ICAM1: variants seen among roughly 807,000 people sequenced by gnomAD.
ICAM1 encodes the protein intercellular adhesion molecule 1.
A neutral mutation model predicts 42.3 loss-of-function variants in ICAM1; 28 were observed. That is an observed-to-expected ratio of 0.66 (90% CI 0.49 to 0.91). The LOEUF (loss-of-function observed/expected upper bound fraction) is 0.91. Ranked by LOEUF, ICAM1 falls within the 40% of genes least tolerant of loss-of-function variation. The pLI, the probability that ICAM1 is intolerant of heterozygous loss-of-function variation, is 0.00. For missense variants in ICAM1, 637 were observed against 688.6 expected, an observed-to-expected ratio of 0.93 and a Z score of 0.84; for synonymous variants, 304 against 305.9, an observed-to-expected ratio of 0.99 and a Z score of 0.07.
chr19:10,276,389 CA>C (rs1323881482), intron 2 of ICAM1, among the ~76,000 whole-genome samples: 2 of 150,942 alleles, frequency 1.3e-5, no homozygotes. Context: ...ACTAAAACTA[CA>C]AAAAATTAGC....
intron 2 of ICAM1, among the ~76,000 whole-genome samples, chr19:10,282,495 C>A (rs1394614314): frequency 6.6e-6 from 1 of 152,096 alleles, no homozygotes; most frequent in Non-Finnish European, 1.5e-5. Context: ...GATCCACCCT[C>A]CTTGGCCTCC....
At chr19:10,280,840 A>AT (rs1258173950) in intron 2 of ICAM1, among the ~76,000 whole-genome samples, 1 of 143,494 alleles carries the variant, frequency 7.0e-6, no homozygotes, top group Non-Finnish European at 1.5e-5. Flanking sequence ...AAGTGCTGAG[A>AT]TTACAGGCAT....
Position 10,285,107 on chromosome 19 carries a change from C to A in ICAM1, c.1427-8C>A. ...CAATCCTCACCGCCTGTTGTATCCT[C>A]CCCACAGCCCCCCGGTATGAGATTG... On this transcript the variant is annotated splice_region_variant and splice_polypyrimidine_tract_variant and intron_variant, in intron 6 of 6. Coordinates refer to ENST00000264832, the MANE Select transcript of ICAM1 (RefSeq NM_000201.3). The A allele has an allele frequency of 6.2e-7, 1 of 1,614,030 alleles. No individual in the cohort carries two copies. Among genetic ancestry groups the A allele is most frequent in the Non-Finnish European group, 8.5e-7 (1 of 1,180,000 alleles).
intron 2 of ICAM1, among the ~76,000 whole-genome samples, chr19:10,276,183 A>T (rs1034164462): frequency 8.0e-4 from 106 of 131,754 alleles, no homozygotes; most frequent in African/African-American, 2.4e-3. Context: ...ATTTTTATTT[A>T]AAAAAAAAAA....
At chr19:10,275,363 G>A (rs897058109) in intron 2 of ICAM1, among the ~76,000 whole-genome samples, 6 of 152,170 alleles carry the variant, frequency 3.9e-5, no homozygotes, top group African/African-American at 1.4e-4. Flanking sequence ...CGGGCATGGT[G>A]TCAAGCGCCT....
chr19:10,281,048 T>G (rs1000951974), intron 2 of ICAM1, among the ~76,000 whole-genome samples: 51 of 149,388 alleles, frequency 3.4e-4, no homozygotes, highest in African/African-American at 8.6e-4. Context: ...TAATTTTTTG[T>G]ATTTTTAGTA....
At chr19:10,277,953 T>C (rs1162352054) in intron 2 of ICAM1, among the ~76,000 whole-genome samples, 1 of 152,170 alleles carries the variant, frequency 6.6e-6, no homozygotes, top group Non-Finnish European at 1.5e-5. Flanking sequence ...ATCCCAGTGA[T>C]TTAGAAGGCC....
chr19:10,285,599 C>T lies in ICAM1; in HGVS notation c.*312C>T, dbSNP rs2040098295. ...GGGAAGTGGTGGGGGAGACATAGCC[C>T]CACCATGAGGACATACAACTGGGAA... is the stretch of plus-strand genomic sequence containing the variant. On this transcript the variant is annotated 3_prime_UTR_variant, in exon 7 of 7. Transcript: ENST00000264832. 3.2e-6 allele frequency: 1 copy of T among 316,324 alleles called. No individual in the cohort carries two copies. The highest frequency in any genetic ancestry group is 5.9e-6 in the Non-Finnish European group (1 of 168,882). 19.6% of individuals were successfully genotyped at this position (316,324 alleles called of 1,614,324 possible). A position where few individuals can be genotyped will look rare whatever the true frequency, so the allele number is the denominator to read the frequency against.
At chr19:10,279,749 G>T (rs922074245) in intron 2 of ICAM1, among the ~76,000 whole-genome samples, 1 of 152,030 alleles carries the variant, frequency 6.6e-6, no homozygotes, top group African/African-American at 2.4e-5. Context: ...TTCCCAAAGT[G>T]CTGGGATTAT....
chr19:10,274,285 A>C (rs183227613), intron 1 of ICAM1, among the ~76,000 whole-genome samples: 1 of 150,014 alleles, frequency 6.7e-6, no homozygotes, highest in Non-Finnish European at 1.5e-5. Context: ...TATTAACATC[A>C]GTTATTAATT....
rs140559142 is a variant in ICAM1 at position 10,274,970 on chromosome 19, G to A, written c.273G>A (p.Met91Ile). ...LSNVQEDSQP[M>I]CYSNCPDGQS... ...ATGTGCAAGAAGATAGCCAACCAATGTGCTATTCAAACTGCCCTGATGGGC... is the reference window on the plus strand; with the variant it reads ...ATGTGCAAGAAGATAGCCAACCAATATGCTATTCAAACTGCCCTGATGGGC... The change falls in exon 2 of 7, where the codon ATG becomes ATA. Residue 91 changes from methionine to isoleucine, a missense_variant. Transcript: ENST00000264832. 6 of 1,614,192 alleles carry A rather than the reference G, an allele frequency of 3.7e-6. No homozygotes were observed. The highest frequency in any genetic ancestry group is 5.1e-6 in the Non-Finnish European group (6 of 1,180,024).
chr19:10,272,178 G>C (rs533223798), intron 1 of ICAM1, among the ~76,000 whole-genome samples: 2 of 152,142 alleles, frequency 1.3e-5, no homozygotes, highest in African/African-American at 2.4e-5. Context: ...CCAGCTGCTC[G>C]GGAGGCTGAG....
chr19:10,284,161 G>T lies in ICAM1; in HGVS notation c.766G>T (p.Asp256Tyr). 6.2e-7 allele frequency: 1 copy of T among 1,614,080 alleles called. No homozygotes were observed. The highest frequency in any genetic ancestry group is 8.5e-7 in the Non-Finnish European group (1 of 1,180,026). ...SEAQVHLALGDQRLNPTVTYG... is the reference protein window; with the variant it reads ...SEAQVHLALGYQRLNPTVTYG... ...GGCCCAGGTCCACCTGGCACTGGGG[G>T]ACCAGAGGTTGAACCCCACAGTCAC... Residue 256 changes from aspartate (D) to tyrosine (Y), a missense_variant, in exon 4 of 7, where the codon GAC becomes TAC. Physicochemically the swap from Asp to Tyr is radical, Grantham distance 160. Transcript: ENST00000264832. This position sits in a 1 kb window ranked among gnomAD's most constrained non-coding sequence, Gnocchi z 5.4.
Position 10,274,968 on chromosome 19 carries a change from A to AT in ICAM1, c.272dup (p.Met91IlefsTer8). ...CAATGTGCAAGAAGATAGCCAACCAATGTGCTATTCAAACTGCCCTGATGG... is the reference window on the plus strand; with the variant it reads ...CAATGTGCAAGAAGATAGCCAACCAATTGTGCTATTCAAACTGCCCTGATGG... On this transcript the variant is annotated frameshift_variant, in exon 2 of 7. Transcript: ENST00000264832. LOFTEE classifies it high-confidence loss of function. 6.2e-7 allele frequency: 1 copy of AT among 1,614,146 alleles called. No individual in the cohort carries two copies. The highest frequency in any genetic ancestry group is 8.5e-7 in the Non-Finnish European group (1 of 1,180,002).
At chr19:10,277,486 T>C (rs1051789401) in intron 2 of ICAM1, among the ~76,000 whole-genome samples, 1 of 151,310 alleles carries the variant, frequency 6.6e-6, no homozygotes, top group African/African-American at 2.4e-5. Context: ...CTGAGAATTC[T>C]TTTTTTGTTG....
intron 2 of ICAM1, among the ~76,000 whole-genome samples, chr19:10,282,929 C>CTTAA (rs1555706149): frequency 6.6e-6 from 1 of 151,478 alleles, no homozygotes; most frequent in Non-Finnish European, 1.5e-5. Flanking sequence ...AGGAGAATTG[C>CTTAA]TTGAACCCAG....
intron 1 of ICAM1, among the ~76,000 whole-genome samples, chr19:10,273,221 G>A (rs1195450354): frequency 4.6e-5 from 7 of 151,932 alleles, no homozygotes; most frequent in South Asian, 2.1e-4. Context: ...GGCCAGGCGC[G>A]GTGGCTCACA....
At chr19:10,282,690 G>A (rs1180669785) in intron 2 of ICAM1, among the ~76,000 whole-genome samples, 4 of 141,624 alleles carry the variant, frequency 2.8e-5, no homozygotes, top group Non-Finnish European at 6.3e-5. Flanking sequence ...TGGCCAACAG[G>A]TTTTTTTTTT....
chr19:10,272,897 T>C (rs568952478), intron 1 of ICAM1, among the ~76,000 whole-genome samples: 1 of 152,242 alleles, frequency 6.6e-6, no homozygotes, highest in South Asian at 2.1e-4. Context: ...GCTGAGTTAC[T>C]TGTATTAGCA....
Sources: gnomAD v4.1 joint callset for allele counts (sites outside exome capture counted in the v4.1 genomes callset) on GRCh38, gnomAD v4.1.1 for gene constraint, Gnocchi (gnomAD v3.1) non-coding constraint, MANE v1.5 for transcripts, NCBI Gene and HGNC (gene_info 2026-07-23, HGNC 2026-07-21) for gene names.